NARS2: variants seen among roughly 807,000 people sequenced by gnomAD.
The protein encoded by NARS2 is asparaginyl-tRNA synthetase.
In NARS2, 60 loss-of-function variants were observed where a neutral mutation model predicts 62.9. The observed-to-expected ratio is 0.95, with a 90% CI of 0.77 to 1.18. The LOEUF (loss-of-function observed/expected upper bound fraction) is 1.18, where lower values mean the gene tolerates loss of function less well. Among genes scored for constraint, NARS2 ranks in the 50% most tolerant of loss-of-function variants. NARS2 has a pLI of 0.00. For synonymous variants in NARS2, 196 were observed against 200.0 expected, an observed-to-expected ratio of 0.98 and a Z score of 0.17; for missense variants, 619 against 576.4, an observed-to-expected ratio of 1.07 and a Z score of -0.76.
intron 5 of NARS2, among the ~76,000 whole-genome samples, chr11:78,554,508 C>CGTGTGTGTGTGTGTGTGTGTGTGTGTGT (rs71046981): frequency 8.2e-5 from 12 of 146,914 alleles, no homozygotes; most frequent in Non-Finnish European, 1.5e-4. Flanking sequence ...GGCGTGTGTG[C>CGTGTGTGTGTGTGTGTGTGTGTGTGTGT]GTGTGTGTGT....
intron 11 of NARS2, among the ~76,000 whole-genome samples, chr11:78,457,970 C>T (rs144708908): frequency 2.4e-3 from 363 of 151,916 alleles, no homozygotes; most frequent in African/African-American, 7.7e-3. Flanking sequence ...CAGTGTGTAA[C>T]GGGGGCTTGG....
intron 10 of NARS2, 26 bp from the exon 11 acceptor site, chr11:78,466,039 AAAAG>A: frequency 6.4e-7 from 1 of 1,562,012 alleles, no homozygotes; most frequent in East Asian, 2.3e-5. Context: ...AGAAATGACC[AAAAG>A]AGGAGACAGA....
At chr11:78,563,851 A>AATATATATATAT (rs1335259135) in intron 4 of NARS2, among the ~76,000 whole-genome samples, 4 of 34,024 alleles carry the variant, frequency 1.2e-4, no homozygotes, top group African/African-American at 3.8e-4. Context: ...AAAAAAAAAA[A>AATATATATATAT]ATATATATAT....
intron 9 of NARS2, among the ~76,000 whole-genome samples, chr11:78,472,879 C>CA (rs1156778184): frequency 6.6e-6 from 1 of 152,218 alleles, no homozygotes; most frequent in Non-Finnish European, 1.5e-5. Flanking sequence ...AGGGCACCAC[C>CA]ACACAATCTA....
chr11:78,472,651 C>A (rs1858924111), intron 9 of NARS2, among the ~76,000 whole-genome samples: 1 of 152,138 alleles, frequency 6.6e-6, no homozygotes, highest in Non-Finnish European at 1.5e-5. Flanking sequence ...CAAAAGAATA[C>A]AAGTCACATG....
intron 5 of NARS2, among the ~76,000 whole-genome samples, chr11:78,547,345 A>G (rs1057140250): frequency 2.6e-5 from 4 of 152,238 alleles, no homozygotes; most frequent in African/African-American, 9.6e-5. Flanking sequence ...TTTTAATTCA[A>G]AATTCTCAAC....
chr11:78,556,587 G>C (rs116211156), intron 5 of NARS2, among the ~76,000 whole-genome samples: 1,526 of 152,128 alleles, frequency 0.01, 29 homozygotes, highest in African/African-American at 0.035. Flanking sequence ...TTTGATTTTT[G>C]TTTCTGCTTT....
At chr11:78,521,058 CCAAAA>C (rs1565255633) in intron 6 of NARS2, among the ~76,000 whole-genome samples, 1 of 47,196 alleles carries the variant, frequency 2.1e-5, no homozygotes, top group African/African-American at 7.7e-5. Context: ...GACTCTGTCT[CCAAAA>C]AAAAAAAAAA....
At chr11:78,572,529 T>G (rs1025956647) in intron 1 of NARS2, among the ~76,000 whole-genome samples, 4 of 152,212 alleles carry the variant, frequency 2.6e-5, no homozygotes, top group African/African-American at 9.6e-5. Flanking sequence ...CTCCTCTGCC[T>G]AGGGAACACA....
chr11:78,546,870 T>C (rs1352141063), intron 5 of NARS2, among the ~76,000 whole-genome samples: 1 of 152,254 alleles, frequency 6.6e-6, no homozygotes, highest in Non-Finnish European at 1.5e-5. Flanking sequence ...TACCTAGTTT[T>C]TCCTTGTCAG....
chr11:78,514,748 G>T (rs900500720), intron 6 of NARS2, among the ~76,000 whole-genome samples: 3 of 152,114 alleles, frequency 2.0e-5, no homozygotes, highest in Non-Finnish European at 2.9e-5. Flanking sequence ...TACTAGAAAC[G>T]GGTAGAGAAT....
intron 7 of NARS2, among the ~76,000 whole-genome samples, chr11:78,487,519 A>T (rs1478208035): frequency 6.6e-6 from 1 of 152,168 alleles, no homozygotes; most frequent in Non-Finnish European, 1.5e-5. Context: ...CAGAAAAGAC[A>T]AAAAAGGGCA....
intron 6 of NARS2, among the ~76,000 whole-genome samples, chr11:78,522,292 G>A (rs1334831749): frequency 6.6e-6 from 1 of 152,018 alleles, no homozygotes; most frequent in Non-Finnish European, 1.5e-5. Context: ...GGTAAAATTG[G>A]TTGTGTAAGT....
At chr11:78,439,842 A>T (rs1047519724) in intron 13 of NARS2, among the ~76,000 whole-genome samples, 3 of 152,186 alleles carry the variant, frequency 2.0e-5, no homozygotes, top group Non-Finnish European at 4.4e-5. Flanking sequence ...AAATATAAAT[A>T]AAAAATGTAT....
rs201671158 is a variant in NARS2, at chr11:78,509,509, TCTAA to T, written c.690-16318_690-16315del. Among the ~76,000 whole-genome samples, 897 of 152,292 alleles carry T rather than the reference TCTAA, an allele frequency of 5.9e-3. 27 individuals carry two copies. Among genetic ancestry groups the T allele is most frequent in the Admixed American group, 0.052 (802 of 15,294 alleles). On this transcript the variant is annotated intron_variant, in intron 6 of 13. Transcript: ENST00000281038. The stretch of plus-strand genomic sequence containing the variant: ...GTGTATATAACTGCTCTGTTTGTTT[TCTAA>T]CTGACTTAAGAAACTAATACACTTT...
intron 6 of NARS2, among the ~76,000 whole-genome samples, chr11:78,510,325 G>GTGGC (rs1430200068): frequency 6.6e-6 from 1 of 152,132 alleles, no homozygotes; most frequent in Non-Finnish European, 1.5e-5. Context: ...GAGAGCACGG[G>GTGGC]TGGCTATACT....
chr11:78,506,597 C>CA (rs1860507671), intron 6 of NARS2, among the ~76,000 whole-genome samples: 1 of 152,140 alleles, frequency 6.6e-6, no homozygotes, highest in South Asian at 2.1e-4. Flanking sequence ...TGCAGTGGTG[C>CA]AATCTCAGCT....
At chr11:78,471,661 T>C (rs1858881058) in intron 9 of NARS2, among the ~76,000 whole-genome samples, 1 of 150,310 alleles carries the variant, frequency 6.7e-6, no homozygotes, top group African/African-American at 2.4e-5. Context: ...ATTACGTACA[T>C]CTCCCAATGC....
chr11:78,546,745 A>G (rs1276763908), intron 5 of NARS2: 3 of 152,234 alleles, frequency 2.0e-5, no homozygotes, highest in Non-Finnish European at 2.9e-5. Context: ...CCTGGTATGA[A>G]TCTGGATAAT....
Sources: gnomAD v4.1 joint callset for allele counts (sites outside exome capture counted in the v4.1 genomes callset) on GRCh38, gnomAD v4.1.1 for gene constraint, MANE v1.5 for transcripts, NCBI Gene and HGNC (gene_info 2026-07-23, HGNC 2026-07-21) for gene names.